DNAJC2: variants seen among roughly 807,000 people sequenced by gnomAD.
DNAJC2 encodes DnaJ heat shock protein family (Hsp40) member C2.
A neutral mutation model predicts 94.0 loss-of-function variants in DNAJC2; 32 were observed. The observed-to-expected ratio is 0.34, with a 90% CI of 0.26 to 0.46. The LOEUF is 0.46. Ranked by LOEUF, DNAJC2 falls within the 20% of genes least tolerant of loss-of-function variation. The pLI is 1.00. For missense variants in DNAJC2, 550 were observed against 719.5 expected, an observed-to-expected ratio of 0.76 and a Z score of 2.69; for synonymous variants, 210 against 229.7, an observed-to-expected ratio of 0.91 and a Z score of 0.77.
intron 12 of DNAJC2, among the ~76,000 whole-genome samples, chr7:103,318,061 A>C (rs77084592): frequency 0.012 from 1,851 of 152,314 alleles, 38 homozygotes; most frequent in African/African-American, 0.042. Context: ...TTAATCAAAG[A>C]TTTGCAGTAA....
At chr7:103,330,252 T>C (rs1449500813) in intron 3 of DNAJC2, among the ~76,000 whole-genome samples, 1 of 152,180 alleles carries the variant, frequency 6.6e-6, no homozygotes, top group Non-Finnish European at 1.5e-5. Flanking sequence ...ATGAACACTA[T>C]TATTCTTTTA....
At chr7:103,313,697 T>C in intron 15 of DNAJC2, 1 of 985,448 alleles carries the variant, frequency 1.0e-6, no homozygotes, top group South Asian at 4.7e-5. Flanking sequence ...GAGCCGATGC[T>C]GAACACTTCC....
intron 2 of DNAJC2, among the ~76,000 whole-genome samples, chr7:103,341,540 G>T (rs907553030): frequency 1.3e-5 from 2 of 152,108 alleles, no homozygotes; most frequent in Non-Finnish European, 2.9e-5. Flanking sequence ...TTTTAAGACC[G>T]GTGCAAACAT....
intron 3 of DNAJC2, chr7:103,335,855 T>A (rs979542740): frequency 6.6e-6 from 1 of 152,196 alleles, no homozygotes; most frequent in African/African-American, 2.4e-5. Context: ...AAAAATCAAT[T>A]TCTACAAGGC....
chr7:103,325,943 C>T (rs1818681336), intron 5 of DNAJC2, among the ~76,000 whole-genome samples: 1 of 152,038 alleles, frequency 6.6e-6, no homozygotes, highest in East Asian at 1.9e-4. Context: ...TTACTGTCAC[C>T]TAAGTGTAAG....
intron 15 of DNAJC2, chr7:103,313,432 T>C (rs1279305963): frequency 1.0e-6 from 1 of 984,294 alleles, no homozygotes; most frequent in Non-Finnish European, 1.2e-6. Flanking sequence ...TGTTGGACTC[T>C]TGGACTCAAA....
intron 3 of DNAJC2, chr7:103,329,043 G>C: frequency 8.2e-7 from 1 of 1,223,814 alleles, no homozygotes. Context: ...CTCAGCCACA[G>C]TACGTCTAAT....
At chr7:103,342,897 C>T (rs1157630679) in intron 1 of DNAJC2, among the ~76,000 whole-genome samples, 4 of 152,096 alleles carry the variant, frequency 2.6e-5, no homozygotes, top group Non-Finnish European at 4.4e-5. Context: ...CGTGAGCCAC[C>T]GCGCCCGGCC....
intron 3 of DNAJC2, among the ~76,000 whole-genome samples, 183 bp from the exon 4 acceptor site, chr7:103,327,937 TGA>T (rs1283723471): frequency 2.0e-5 from 3 of 152,206 alleles, no homozygotes; most frequent in African/African-American, 7.2e-5. Flanking sequence ...TATTATTTTT[TGA>T]GACAGAGTTT....
At chr7:103,343,313 C>T (rs1474091928) in intron 1 of DNAJC2, among the ~76,000 whole-genome samples, 1 of 152,216 alleles carries the variant, frequency 6.6e-6, no homozygotes, top group East Asian at 1.9e-4. Flanking sequence ...CTCAAACTGT[C>T]TTAATTATTA....
rs576805208 is a variant in DNAJC2, at chr7:103,332,069, G to A, written c.332-4315C>T. 8.6e-5 allele frequency among the ~76,000 whole-genome samples: 13 copies of A among 150,684 alleles called. No individual in the cohort carries two copies. The East Asian group carries it at 2.5e-3, about 29-fold the overall frequency. ...ACCCAGGTTGGAGTGCAGTGGTGCA[G>A]TCTTGGCTCACTGCATGCTCTGCCT... On this transcript the variant is annotated intron_variant, in intron 3 of 16. Coordinates refer to ENST00000379263, the MANE Select transcript of DNAJC2 (RefSeq NM_014377.3).
intron 5 of DNAJC2, 34 bp downstream of exon 5, chr7:103,326,509 G>C: frequency 6.2e-7 from 1 of 1,610,344 alleles, no homozygotes; most frequent in Non-Finnish European, 8.5e-7. Flanking sequence ...CAAGCCAACA[G>C]GGCACTATGA....
intron 3 of DNAJC2, chr7:103,335,604 G>A (rs754416944): frequency 6.6e-6 from 1 of 151,374 alleles, no homozygotes; most frequent in African/African-American, 2.4e-5. Context: ...GGACTGCAGT[G>A]GTACAATCTT....
intron 13 of DNAJC2, chr7:103,316,357 T>C (rs1447295159): frequency 7.2e-6 from 2 of 278,902 alleles, no homozygotes; most frequent in Non-Finnish European, 1.3e-5. Flanking sequence ...ACCACTTATT[T>C]GTGTATACTG....
At chr7:103,325,453 A>AG in intron 5 of DNAJC2, among the ~76,000 whole-genome samples, 1 of 151,570 alleles carries the variant, frequency 6.6e-6, no homozygotes, top group East Asian at 1.9e-4. Flanking sequence ...AAAAAGGAAA[A>AG]AAAAAAAACC....
At chr7:103,344,219 C>G in intron 1 of DNAJC2, 1 of 326,768 alleles carries the variant, frequency 3.1e-6, no homozygotes, top group East Asian at 5.4e-5. Context: ...GTGCTCGCTG[C>G]GCGTAGTCTT....
In DNAJC2 at chr7:103,324,546, T is replaced by C; in HGVS notation, c.589A>G (p.Asn197Asp). ...TTCATATCACCAAGTTTAGGAACAT[T>C]TTTTTTATTTGACCATCTGAAATAT... is the stretch of plus-strand genomic sequence containing the variant. ...ERNSRWSNKK[N>D]VPKLGDMNSS... Residue 197 changes from asparagine (N) to aspartate (D), a missense_variant, in exon 6 of 17, where the codon AAT becomes GAT. Asn to Asp is a conservative substitution (Grantham distance 23). This residue lies in a region of DNAJC2 where 279 missense variants were observed against 416.9 expected (regional missense o/e 0.67). Transcript: ENST00000379263. 1 of 1,487,624 alleles carries C rather than the reference T, an allele frequency of 6.7e-7. No homozygotes were observed. Among genetic ancestry groups the C allele is most frequent in the Admixed American group, 2.4e-5 (1 of 41,908 alleles). The allele number at this position is 1,487,624 out of a possible 1,614,324, so 92.2% of individuals were successfully genotyped here. A position where few individuals can be genotyped will look rare whatever the true frequency, so the allele number is the denominator to read the frequency against.
In DNAJC2 at chr7:103,314,282, A is replaced by G. The variant is rs537899188; in HGVS notation, c.1637-1181T>C. ...TCCAGTTACTTCACAATACCAAAAT[A>G]AATTAAACGTACTGTTGCAAAACTC... On this transcript the variant is annotated intron_variant, in intron 15 of 16. Transcript: ENST00000379263. 3.0e-6 allele frequency: 3 copies of G among 985,014 alleles called. No individual in the cohort carries two copies. In the East Asian group the frequency reaches 3.4e-4, roughly 112 times the overall value. 61.0% of individuals were successfully genotyped at this position (985,014 alleles called of 1,614,324 possible). A position where few individuals can be genotyped will look rare whatever the true frequency, so the allele number is the denominator to read the frequency against.
At chr7:103,314,183 C>T (rs1817916553) in intron 15 of DNAJC2, 2 of 985,258 alleles carry the variant, frequency 2.0e-6, no homozygotes, top group South Asian at 4.7e-5. Context: ...TGGTTTAAAG[C>T]CCTAAATACC....
Sources: gnomAD v4.1 joint callset for allele counts (sites outside exome capture counted in the v4.1 genomes callset) on GRCh38, gnomAD v4.1.1 for gene constraint, gnomAD v4.1.1 regional missense constraint, MANE v1.5 for transcripts, NCBI Gene and HGNC (gene_info 2026-07-23, HGNC 2026-07-21) for gene names.